HERC2: variants seen among roughly 807,000 people sequenced by gnomAD.
HERC2 encodes HECT and RLD domain containing E3 ubiquitin protein ligase 2, also known as E3 ubiquitin-protein ligase HERC2.
In HERC2, 102 loss-of-function variants were observed where a neutral mutation model predicts 537.7. The ratio of observed to expected loss-of-function variants is 0.19; its 90% CI spans 0.16 to 0.22. The LOEUF (loss-of-function observed/expected upper bound fraction) is 0.22. Among genes scored for constraint, HERC2 ranks in the 10% least tolerant of loss-of-function variants. HERC2 has a pLI of 1.00. For missense variants in HERC2, 4,236 were observed against 6,198.2 expected (o/e 0.68, Z 10.63); for synonymous variants, 2,224 against 2,466.2 (o/e 0.90, Z 2.91).
intron 57 of HERC2, among the ~76,000 whole-genome samples, chr15:28,179,821 G>C (rs1026290633): frequency 1.3e-5 from 2 of 152,132 alleles, no homozygotes; most frequent in Non-Finnish European, 2.9e-5. Context: ...AAATGTTAAA[G>C]ATAGAAAAAA....
intron 24 of HERC2, 82 bp downstream of exon 24, chr15:28,238,520 G>T: frequency 8.4e-7 from 1 of 1,190,732 alleles, no homozygotes; most frequent in South Asian, 1.4e-5. Flanking sequence ...CAAAACTAAA[G>T]AAATCATTTA....
chr15:28,219,881 C>A (rs1381027614), intron 37 of HERC2, among the ~76,000 whole-genome samples: 3 of 152,246 alleles, frequency 2.0e-5, no homozygotes, highest in Admixed American at 2.0e-4. Context: ...CTCCCGCAAC[C>A]TGGATCTCCA....
At chr15:28,305,936 A>T (rs1412055439) in intron 2 of HERC2, among the ~76,000 whole-genome samples, 3 of 152,266 alleles carry the variant, frequency 2.0e-5, no homozygotes, top group Non-Finnish European at 4.4e-5. Flanking sequence ...AATGCTCATC[A>T]TCACTGGCCA....
intron 20 of HERC2, among the ~76,000 whole-genome samples, chr15:28,253,994 C>T (rs1210636802): frequency 6.7e-6 from 1 of 149,674 alleles, no homozygotes; most frequent in Non-Finnish European, 1.5e-5. Flanking sequence ...ATAATAAGTA[C>T]ATAAATAGAC....
At chr15:28,215,905 A>G (rs1229066149) in intron 38 of HERC2, 103 bp from the exon 39 acceptor site, 4 of 856,298 alleles carry the variant, frequency 4.7e-6, no homozygotes, top group Non-Finnish European at 7.1e-6. Flanking sequence ...TTTCTAAAAT[A>G]AGCTCCTTTA....
intron 48 of HERC2, among the ~76,000 whole-genome samples, chr15:28,200,472 C>T (rs1897799168): frequency 1.3e-5 from 2 of 151,942 alleles, no homozygotes; most frequent in Non-Finnish European, 2.9e-5. Context: ...CAAGCTGGTA[C>T]CTTGATCTTG....
chr15:28,293,272 T>C (rs961846178), intron 3 of HERC2, among the ~76,000 whole-genome samples: 1 of 151,994 alleles, frequency 6.6e-6, no homozygotes, highest in Non-Finnish European at 1.5e-5. Flanking sequence ...GGCGGGTGGA[T>C]CACAAGGTCA....
chr15:28,318,302 G>A (rs1316696544), intron 2 of HERC2, among the ~76,000 whole-genome samples: 1 of 152,076 alleles, frequency 6.6e-6, no homozygotes, highest in African/African-American at 2.4e-5. Flanking sequence ...GGAAAACATG[G>A]TGATTCAATC....
In HERC2 at chr15:28,212,622, C is replaced by T. The variant is rs771998350; in HGVS notation, c.6787-39G>A. The T allele has an allele frequency of 3.2e-5, 51 of 1,605,996 alleles. No homozygotes were observed. In the East Asian group the frequency reaches 4.7e-4, roughly 15 times the overall value. On this transcript the variant is annotated intron_variant, in intron 42 of 92. Coordinates refer to ENST00000261609, the MANE Select transcript of HERC2 (RefSeq NM_004667.6). ...AGAAGCTGTCAGAGTGTGGCCAATA[C>T]GACTAACAAATGAAACGTTCTGAAA...
chr15:28,201,490 T>G lies in HERC2; in HGVS notation c.7682A>C (p.Asp2561Ala). The change falls in exon 48 of 93, where the codon GAT becomes GCT. Residue 2561 changes from aspartate (D) to alanine (A), a missense_variant. Physicochemically the swap from Asp to Ala is moderately radical, Grantham distance 126. Transcript: ENST00000261609. Reference sequence around the variant, plus strand: ...CTCTCTCACATATACAGCATAATCATCATTACTCAAGAAATCAGCTCGTTT... The same window carrying G: ...CTCTCTCACATATACAGCATAATCAGCATTACTCAAGAAATCAGCTCGTTT... ...YKKRADFLSN[D>A]DYAVYVRENI... is the part of the protein sequence containing the mutation. The G allele has an allele frequency of 6.2e-7, 1 of 1,612,136 alleles. No individual in the cohort carries two copies. Among genetic ancestry groups the G allele is most frequent in the South Asian group, 1.1e-5 (1 of 91,052 alleles).
chr15:28,162,684 T>C (rs779402042), intron 69 of HERC2, among the ~76,000 whole-genome samples: 8 of 151,862 alleles, frequency 5.3e-5, no homozygotes, highest in Non-Finnish European at 1.0e-4. Flanking sequence ...GGTCAGGAGA[T>C]CAAGACCATC....
chr15:28,263,346 T>A (rs967000565), intron 14 of HERC2, among the ~76,000 whole-genome samples, 177 bp from the exon 15 acceptor site: 1 of 152,296 alleles, frequency 6.6e-6, no homozygotes, highest in South Asian at 2.1e-4. Flanking sequence ...GAGGTTGACA[T>A]AGAAGCAATA....
chr15:28,295,780 C>G (rs1436778397), intron 3 of HERC2, among the ~76,000 whole-genome samples: 1 of 152,120 alleles, frequency 6.6e-6, no homozygotes, highest in Non-Finnish European at 1.5e-5. Context: ...CTGTGGACTT[C>G]ATCTTTTCGT....
At chr15:28,223,157 A>T (rs1410680908) in intron 35 of HERC2, among the ~76,000 whole-genome samples, 2 of 152,140 alleles carry the variant, frequency 1.3e-5, no homozygotes, top group Non-Finnish European at 2.9e-5. Flanking sequence ...ACAAAACAGA[A>T]GCCGAGCTGC....
At chr15:28,186,801 A>C (rs1242765133) in intron 55 of HERC2, 49 bp from the exon 56 acceptor site, 4 of 1,382,478 alleles carry the variant, frequency 2.9e-6, no homozygotes, top group Non-Finnish European at 1.0e-6. Context: ...CAAGCATATT[A>C]GATCCTCTAA....
At chr15:28,126,667 T>C (rs1211048220) in intron 83 of HERC2, among the ~76,000 whole-genome samples, 1 of 152,124 alleles carries the variant, frequency 6.6e-6, no homozygotes, top group African/African-American at 2.4e-5. Flanking sequence ...GCGATGAGGA[T>C]GCAACGGCAT....
In HERC2 at chr15:28,273,007, GAA is replaced by G; in HGVS notation, c.801-5_801-4del. The G allele has an allele frequency of 6.2e-7, 1 of 1,610,372 alleles. No individual in the cohort carries two copies. The highest frequency in any genetic ancestry group is 1.7e-5 in the Admixed American group (1 of 60,022). ...TGGCTGGCGTTCCGTGAACATCCCT[GAA>G]ATGAAAGCAGTGGATGCAGGAACAA... On this transcript the variant is annotated splice_region_variant and splice_polypyrimidine_tract_variant and intron_variant, in intron 7 of 92. Transcript: ENST00000261609.
At chr15:28,282,692 C>T (rs540923548) in intron 4 of HERC2, among the ~76,000 whole-genome samples, 5 of 152,156 alleles carry the variant, frequency 3.3e-5, no homozygotes, top group African/African-American at 4.8e-5. Context: ...CCAGCACTTT[C>T]GGAGGCCGAG....
intron 31 of HERC2, among the ~76,000 whole-genome samples, chr15:28,230,065 C>T (rs949581646): frequency 2.0e-5 from 3 of 152,128 alleles, no homozygotes; most frequent in African/African-American, 4.8e-5. Context: ...GCATACAAAG[C>T]TAAGTTATGG....
Sources: gnomAD v4.1 joint callset for allele counts (sites outside exome capture counted in the v4.1 genomes callset) on GRCh38, gnomAD v4.1.1 for gene constraint, MANE v1.5 for transcripts, NCBI Gene and HGNC (gene_info 2026-07-23, HGNC 2026-07-21) for gene names.